Variants in ALK observed in about 807,000 individuals in gnomAD.
The protein encoded by ALK is ALK tyrosine kinase receptor.
Under a neutral mutation model 163.1 loss-of-function variants are expected in ALK, and 74 were observed. That is an observed-to-expected ratio of 0.45 (90% CI 0.38 to 0.55). ALK has a LOEUF of 0.55. Among genes scored for constraint, ALK ranks in the 20% least tolerant of loss-of-function variants. The pLI is 0.00. For missense variants in ALK, 2,063 were observed against 2,105.3 expected, an observed-to-expected ratio of 0.98 and a Z score of 0.39; for synonymous variants, 960 against 843.2, an observed-to-expected ratio of 1.14 and a Z score of -2.40.
chr2:29,791,174 T>G (rs1317993479), intron 1 of ALK, among the ~76,000 whole-genome samples: 2 of 152,224 alleles, frequency 1.3e-5, no homozygotes, highest in African/African-American at 4.8e-5. Context: ...TTTCCACACA[T>G]GCACACATAT....
intron 4 of ALK, among the ~76,000 whole-genome samples, chr2:29,520,239 G>A (rs564585809): frequency 3.3e-5 from 5 of 152,304 alleles, no homozygotes; most frequent in African/African-American, 9.6e-5. Context: ...ACAGTCCTTC[G>A]ATTGGAGGTT....
intron 4 of ALK, among the ~76,000 whole-genome samples, chr2:29,476,048 C>T (rs1401678872): frequency 1.3e-5 from 2 of 152,210 alleles, no homozygotes; most frequent in African/African-American, 4.8e-5. Flanking sequence ...GCTCCTCCAG[C>T]GCTGCCTATG....
At chr2:29,523,573 T>C (rs1292261190) in intron 4 of ALK, among the ~76,000 whole-genome samples, 1 of 152,194 alleles carries the variant, frequency 6.6e-6, no homozygotes, top group Non-Finnish European at 1.5e-5. Flanking sequence ...CCCTCCCCAC[T>C]GGGAAACAGT....
chr2:29,338,874 C>T (rs1469447526), intron 5 of ALK, among the ~76,000 whole-genome samples: 2 of 152,210 alleles, frequency 1.3e-5, no homozygotes, highest in Admixed American at 6.5e-5. Flanking sequence ...GCAGAAATTG[C>T]ACCCACCTTC....
At chr2:29,376,736 C>G (rs1368180656) in intron 5 of ALK, among the ~76,000 whole-genome samples, 1 of 152,242 alleles carries the variant, frequency 6.6e-6, no homozygotes, top group Non-Finnish European at 1.5e-5. Flanking sequence ...GGCCAGGCTG[C>G]TAGGAGCCCA....
intron 3 of ALK, among the ~76,000 whole-genome samples, chr2:29,677,458 C>T (rs1190813510): frequency 6.6e-6 from 1 of 151,980 alleles, no homozygotes; most frequent in East Asian, 1.9e-4. Flanking sequence ...AAATTACCTT[C>T]TATTCCTAGT....
At chr2:29,834,477 C>T (rs1187865347) in intron 1 of ALK, among the ~76,000 whole-genome samples, 2 of 152,056 alleles carry the variant, frequency 1.3e-5, no homozygotes, top group South Asian at 2.1e-4. Flanking sequence ...AGGACAATGT[C>T]AGTATGTGGA....
At chr2:29,917,790 G>A (rs754102720) in intron 1 of ALK, among the ~76,000 whole-genome samples, 9 of 152,232 alleles carry the variant, frequency 5.9e-5, no homozygotes, top group Non-Finnish European at 1.3e-4. Flanking sequence ...TACACTTAGT[G>A]TCTTATTTGA....
At chr2:29,732,732 C>A (rs999860796) in intron 1 of ALK, among the ~76,000 whole-genome samples, 1 of 152,096 alleles carries the variant, frequency 6.6e-6, no homozygotes, top group South Asian at 2.1e-4. Context: ...CAAAAGAGAA[C>A]CCTCACCCCT....
At chr2:29,415,822 C>T (rs1669862179) in intron 4 of ALK, among the ~76,000 whole-genome samples, 1 of 152,230 alleles carries the variant, frequency 6.6e-6, no homozygotes, top group Non-Finnish European at 1.5e-5. Context: ...ATCACATTCT[C>T]CTTCTCTCTT....
chr2:29,491,449 A>G (rs1558348201), intron 4 of ALK, among the ~76,000 whole-genome samples: 1 of 152,224 alleles, frequency 6.6e-6, no homozygotes, highest in African/African-American at 2.4e-5. Context: ...CCATGCAACT[A>G]TGTATGAAAA....
intron 4 of ALK, among the ~76,000 whole-genome samples, chr2:29,431,427 C>T (rs979198860): frequency 6.6e-6 from 1 of 152,162 alleles, no homozygotes; most frequent in Non-Finnish European, 1.5e-5. Flanking sequence ...CGAATTTTAG[C>T]TAAAATTAAG....
At chr2:29,302,466 C>T (rs1573208690) in intron 8 of ALK, among the ~76,000 whole-genome samples, 1 of 152,212 alleles carries the variant, frequency 6.6e-6, no homozygotes, top group Non-Finnish European at 1.5e-5. Context: ...TGCAGTGAGC[C>T]GAGATTGCAT....
chr2:29,368,413 C>T (rs1022716858), intron 5 of ALK, among the ~76,000 whole-genome samples: 4 of 152,122 alleles, frequency 2.6e-5, no homozygotes, highest in East Asian at 3.8e-4. Flanking sequence ...CATACGTCAG[C>T]GGAATTTCTG....
chr2:29,440,320 T>TTC (rs554139807), intron 4 of ALK, among the ~76,000 whole-genome samples: 471 of 27,420 alleles, frequency 0.017, 34 homozygotes, highest in South Asian at 0.03. Flanking sequence ...ATGAATCAAT[T>TTC]TTTTTTTTTT....
chr2:29,600,963 A>AG (rs1211687634), intron 3 of ALK, among the ~76,000 whole-genome samples: 4 of 152,224 alleles, frequency 2.6e-5, no homozygotes, highest in Non-Finnish European at 5.9e-5. Flanking sequence ...TGGAAAGGTG[A>AG]GGACTGCTGG....
At chr2:29,293,881 G>GCTAACCTCTAAGCCCTAAT (rs1208486552) in intron 9 of ALK, among the ~76,000 whole-genome samples, 1 of 119,788 alleles carries the variant, frequency 8.3e-6, no homozygotes, top group Admixed American at 8.6e-5. Flanking sequence ...TCTCTTAAGT[G>GCTAACCTCTAAGCCCTAAT]CTAACCTCTA....
chr2:29,676,897 C>G (rs901437147), intron 3 of ALK, among the ~76,000 whole-genome samples: 1 of 151,738 alleles, frequency 6.6e-6, no homozygotes, highest in African/African-American at 2.4e-5. Flanking sequence ...ATGATCTTGT[C>G]AGTGGAATTA....
intron 1 of ALK, among the ~76,000 whole-genome samples, chr2:29,718,244 G>C (rs1259368993): frequency 1.3e-5 from 2 of 152,142 alleles, no homozygotes; most frequent in Non-Finnish European, 2.9e-5. Flanking sequence ...AAAGCCAAGA[G>C]GCCAGAAAGC....
Sources: allele counts gnomAD v4.1 joint callset (sites outside exome capture counted in the v4.1 genomes callset), GRCh38; gene constraint gnomAD v4.1.1; transcripts MANE v1.5; gene names NCBI Gene and HGNC (gene_info 2026-07-23, HGNC 2026-07-21).